UGT1A10: variants seen among roughly 807,000 people sequenced by gnomAD.
UGT1A10 encodes UDP-glucuronosyltransferase 1A10.
A neutral mutation model predicts 45.8 loss-of-function variants in UGT1A10; 49 were observed. The observed-to-expected ratio is 1.07, with a 90% CI of 0.85 to 1.36. The LOEUF (loss-of-function observed/expected upper bound fraction) is 1.36, where lower values mean the gene tolerates loss of function less well. UGT1A10 is among the 40% of genes most tolerant of loss of function. UGT1A10 has a pLI of 0.00. For synonymous variants in UGT1A10, 284 were observed against 249.7 expected (o/e 1.14, Z -1.29); for missense variants, 745 against 668.6 (o/e 1.11, Z -1.26).
At chr2:233,727,744 G>A (rs1233532072) in intron 1 of UGT1A10, among the ~76,000 whole-genome samples, 5 of 152,112 alleles carry the variant, frequency 3.3e-5, no homozygotes, top group Admixed American at 6.5e-5. Flanking sequence ...GCCATCCTGC[G>A]TGTGCTGCCC....
At chr2:233,708,414 C>A (rs2076017476) in intron 1 of UGT1A10, 1 of 152,100 alleles carries the variant, frequency 6.6e-6, no homozygotes, top group Admixed American at 6.6e-5. Flanking sequence ...AGTTGTTTCA[C>A]CAGTGAAGAT....
intron 1 of UGT1A10, chr2:233,743,590 T>C: frequency 1.5e-6 from 2 of 1,367,294 alleles, no homozygotes; most frequent in South Asian, 1.1e-5. Context: ...CAAAGGAGAA[T>C]GGGTCCTGGC....
intron 1 of UGT1A10, among the ~76,000 whole-genome samples, chr2:233,716,262 C>T (rs2076494845): frequency 6.6e-6 from 1 of 152,162 alleles, no homozygotes; most frequent in Admixed American, 6.5e-5. Flanking sequence ...GCATAATCTC[C>T]CCATGTCAAA....
At chr2:233,721,907 C>A in intron 1 of UGT1A10, 1 of 444,142 alleles carries the variant, frequency 2.3e-6, no homozygotes, top group South Asian at 1.7e-5. Context: ...AAATGGTGCA[C>A]ACTGCTTCCA....
chr2:233,663,669 T>C (rs1288143415), intron 1 of UGT1A10, among the ~76,000 whole-genome samples: 1 of 152,174 alleles, frequency 6.6e-6, no homozygotes, highest in Non-Finnish European at 1.5e-5. Flanking sequence ...GGAGGTCTGC[T>C]TTGAGAAAGG....
Position 233,724,644 on chromosome 2 carries a change from G to T in UGT1A10, c.856-42390G>T, listed in dbSNP as rs1189293479. Among the ~76,000 whole-genome samples, 3 of 141,266 alleles carry T rather than the reference G, an allele frequency of 2.1e-5. 1 individual carries two copies. Among genetic ancestry groups the T allele is most frequent in the Admixed American group, 2.1e-4 (3 of 14,230 alleles). The allele number at this position is 141,266 out of a possible 152,430, so 92.7% of individuals were successfully genotyped here. A position where few individuals can be genotyped will look rare whatever the true frequency, so the allele number is the denominator to read the frequency against. ...CTCCTCACTTCCTAGATGTGATGGC[G>T]GCTGGGAAGAGGCGCTCCTCACTTC... On this transcript the variant is annotated intron_variant, in intron 1 of 4. Coordinates refer to ENST00000344644, the MANE Select transcript of UGT1A10 (RefSeq NM_019075.4).
chr2:233,661,936 G>T (rs1259555058), intron 1 of UGT1A10, among the ~76,000 whole-genome samples: 1 of 151,920 alleles, frequency 6.6e-6, no homozygotes, highest in Non-Finnish European at 1.5e-5. Context: ...TGTTTACTGT[G>T]ATACACAATT....
chr2:233,729,355 C>T (rs144116440), intron 1 of UGT1A10: 167 of 1,614,046 alleles, frequency 1.0e-4, no homozygotes, highest in Non-Finnish European at 4.3e-5. Context: ...CTTTTTCACC[C>T]TGACAACCTA....
At chr2:233,772,063 T>A (rs1007747764) in intron 4 of UGT1A10, among the ~76,000 whole-genome samples, 199 bp from the exon 5 acceptor site, 9 of 152,136 alleles carry the variant, frequency 5.9e-5, no homozygotes, top group Non-Finnish European at 1.2e-4. Context: ...CAGTTAGCCA[T>A]GCTTGTGCCA....
intron 1 of UGT1A10, chr2:233,713,639 C>T (rs772966162): frequency 3.1e-6 from 5 of 1,613,978 alleles, no homozygotes; most frequent in South Asian, 1.1e-5. Context: ...ACATGCTCTA[C>T]CCTCTGGCCC....
At chr2:233,681,895 G>C (rs2074544506) in intron 1 of UGT1A10, 1 of 1,588,540 alleles carries the variant, frequency 6.3e-7, no homozygotes, top group African/African-American at 1.3e-5. Context: ...TATATTATAG[G>C]AGCTTAGAAT....
intron 4 of UGT1A10, chr2:233,771,210 C>A: frequency 6.6e-6 from 1 of 152,206 alleles, no homozygotes. Context: ...GGACAAATAT[C>A]CAAACTGTAT....
intron 1 of UGT1A10, chr2:233,689,926 C>A (rs185092519): frequency 4.4e-6 from 2 of 456,604 alleles, no homozygotes; most frequent in Non-Finnish European, 8.8e-6. Context: ...GAATTTCCTT[C>A]GAAAGAACCC....
At chr2:233,724,968 T>G (rs1288341370) in intron 1 of UGT1A10, among the ~76,000 whole-genome samples, 5 of 135,284 alleles carry the variant, frequency 3.7e-5, no homozygotes, top group Non-Finnish European at 8.0e-5. Context: ...AGGCCGAGGT[T>G]GGCGGATCAC....
chr2:233,719,308 A>C, intron 1 of UGT1A10: 1 of 1,613,974 alleles, frequency 6.2e-7, no homozygotes, highest in Non-Finnish European at 8.5e-7. Context: ...GTGCTGGCTA[A>C]GTACCTGTCG....
Position 233,636,463 on chromosome 2 carries a change from C to A in UGT1A10, c.-60C>A, listed in dbSNP as rs1019844777. 9.1e-5 allele frequency: 141 copies of A among 1,552,566 alleles called. 1 individual carries two copies. The African/African-American group carries it at 1.6e-3, about 17-fold the overall frequency. On this transcript the variant is annotated 5_prime_UTR_variant, in exon 1 of 5. Transcript: ENST00000344644. ...GTCAGGTTTTGTGCCTGTACTTCTT[C>A]CGCCTACTGTATCATAGCAGCTTAG...
rs773957041 is a variant in UGT1A10 at position 233,772,325 on chromosome 2, C to G, written c.1359C>G (p.Asp453Glu). Residue 453 changes from aspartate to glutamate, a missense_variant, in exon 5 of 5, where the codon GAC becomes GAG. Coordinates refer to ENST00000344644, the MANE Select transcript of UGT1A10 (RefSeq NM_019075.4). ...AGGACCGCCCGGTGGAGCCGCTGGACCTGGCCGTGTTCTGGGTGGAGTTTG... is the reference window on the plus strand; with the variant it reads ...AGGACCGCCCGGTGGAGCCGCTGGAGCTGGCCGTGTTCTGGGTGGAGTTTG... ...LHKDRPVEPLDLAVFWVEFVM... is the reference protein window; with the variant it reads ...LHKDRPVEPLELAVFWVEFVM... The G allele has an allele frequency of 1.9e-6, 3 of 1,614,136 alleles. No individual in the cohort carries two copies. The highest frequency in any genetic ancestry group is 2.2e-5 in the South Asian group (2 of 91,076).
At chr2:233,706,111 T>C (rs2075890195) in intron 1 of UGT1A10, among the ~76,000 whole-genome samples, 1 of 151,910 alleles carries the variant, frequency 6.6e-6, no homozygotes, top group African/African-American at 2.4e-5. Flanking sequence ...AAACCAAGAA[T>C]TTCAGGACAC....
chr2:233,753,820 G>C (rs1695319484), intron 1 of UGT1A10, among the ~76,000 whole-genome samples: 1 of 152,168 alleles, frequency 6.6e-6, no homozygotes, highest in African/African-American at 2.4e-5. Context: ...AACCACGTTA[G>C]GGCTGAAGAC....
Sources: allele counts gnomAD v4.1 joint callset (sites outside exome capture counted in the v4.1 genomes callset), GRCh38; gene constraint gnomAD v4.1.1; transcripts MANE v1.5; gene names NCBI Gene and HGNC (gene_info 2026-07-23, HGNC 2026-07-21).